Variants in DIP2B observed in about 807,000 individuals in gnomAD.
DIP2B encodes disco-interacting protein 2 homolog B.
Under a neutral mutation model 198.0 loss-of-function variants are expected in DIP2B, and 76 were observed. The observed-to-expected ratio is 0.38, with a 90% CI of 0.32 to 0.46. The LOEUF is 0.46. DIP2B is among the 20% of genes least tolerant of loss of function. The probability of loss-of-function intolerance (pLI) is 0.99; values close to 1 mark genes in which losing one functional copy is unlikely to be tolerated. For synonymous variants in DIP2B, 701 were observed against 739.1 expected (o/e 0.95, Z 0.84); for missense variants, 1,559 against 1,978.4 (o/e 0.79, Z 4.02).
rs1565865730 is a variant in DIP2B at position 50,671,308 on chromosome 12, ACTT to A, written c.555_557del (p.Ser187del). 2 of 1,614,190 alleles carry A rather than the reference ACTT, an allele frequency of 1.2e-6. No individual in the cohort carries two copies. Among genetic ancestry groups the A allele is most frequent in the South Asian group, 1.1e-5 (1 of 91,084 alleles). ...CAACCGTTCAATTCAGGGATCGTCCACTTCTTCATCCGCATCTTCTACGCTGTC... is the reference window on the plus strand; with the variant it reads ...CAACCGTTCAATTCAGGGATCGTCCACTTCATCCGCATCTTCTACGCTGTC... On this transcript the variant is annotated inframe_deletion, in exon 5 of 38. Coordinates refer to ENST00000301180, the MANE Select transcript of DIP2B (RefSeq NM_173602.3).
At chr12:50,517,828 C>G (rs901898138) in intron 1 of DIP2B, among the ~76,000 whole-genome samples, 3 of 152,176 alleles carry the variant, frequency 2.0e-5, no homozygotes, top group African/African-American at 7.2e-5. Context: ...ATGTTCTTCC[C>G]CTTTTTTTGC....
intron 22 of DIP2B, among the ~76,000 whole-genome samples, chr12:50,711,249 C>A (rs1939609021): frequency 6.6e-6 from 1 of 152,176 alleles, no homozygotes. Context: ...TAAATGACGC[C>A]ATGTATTCTA....
At chr12:50,505,723 A>G (rs541493158) in intron 1 of DIP2B, among the ~76,000 whole-genome samples, 5 of 152,162 alleles carry the variant, frequency 3.3e-5, no homozygotes, top group African/African-American at 9.6e-5. Flanking sequence ...CTTTCCTTTA[A>G]CAATGCGCGA....
chr12:50,581,585 C>A lies in DIP2B; in HGVS notation c.101-44391C>A, dbSNP rs1175297265. Among the ~76,000 whole-genome samples, 5 of 149,166 alleles carry A rather than the reference C, an allele frequency of 3.4e-5. 1 individual carries two copies. The highest frequency in any genetic ancestry group is 6.9e-5 in the Admixed American group (1 of 14,552). ...ATTTACCATATACCCTAGGAGGGGC[C>A]TTACTCAGTGCTGATTTCTCCTCCA... On this transcript the variant is annotated intron_variant, in intron 1 of 37. Transcript: ENST00000301180.
At chr12:50,538,946 T>C (rs757199292) in intron 1 of DIP2B, among the ~76,000 whole-genome samples, 8 of 152,140 alleles carry the variant, frequency 5.3e-5, no homozygotes, top group Non-Finnish European at 7.4e-5. Context: ...ACTCAACTGC[T>C]GTTGTTTCTT....
chr12:50,604,941 G>A (rs1178551760), intron 1 of DIP2B, among the ~76,000 whole-genome samples: 2 of 152,126 alleles, frequency 1.3e-5, no homozygotes, highest in Non-Finnish European at 2.9e-5. Context: ...ATAGTACGTA[G>A]CCGGTATCAC....
intron 7 of DIP2B, among the ~76,000 whole-genome samples, chr12:50,677,507 C>T (rs1326278978): frequency 2.6e-5 from 4 of 151,966 alleles, no homozygotes; most frequent in Non-Finnish European, 4.4e-5. Context: ...CCCAGCTACT[C>T]AGGAGGCTGA....
intron 4 of DIP2B, among the ~76,000 whole-genome samples, chr12:50,665,063 C>G (rs1327850907): frequency 6.6e-6 from 1 of 151,814 alleles, no homozygotes; most frequent in Non-Finnish European, 1.5e-5. Flanking sequence ...CTGTGTTGCT[C>G]AAGCTGGCCT....
At chr12:50,507,354 G>T (rs1957976846) in intron 1 of DIP2B, among the ~76,000 whole-genome samples, 1 of 152,168 alleles carries the variant, frequency 6.6e-6, no homozygotes, top group Non-Finnish European at 1.5e-5. Flanking sequence ...TACAGGGGAT[G>T]GTTGGCTGGA....
Position 50,745,063 on chromosome 12 carries a change from C to T in DIP2B, c.*224C>T, listed in dbSNP as rs1048655047. 1.0e-5 allele frequency: 6 copies of T among 577,466 alleles called. No individual in the cohort carries two copies. The highest frequency in any genetic ancestry group is 6.1e-5 in the East Asian group (2 of 32,850). The allele number at this position is 577,466 out of a possible 1,614,324, so 35.8% of individuals were successfully genotyped here. A position where few individuals can be genotyped will look rare whatever the true frequency, so the allele number is the denominator to read the frequency against. On this transcript the variant is annotated 3_prime_UTR_variant, in exon 38 of 38. Coordinates refer to ENST00000301180, the MANE Select transcript of DIP2B (RefSeq NM_173602.3). The stretch of plus-strand genomic sequence containing the variant: ...TTGGTAGACATGTGCTTTGACATAG[C>T]GTGAGCAGCACATTACTAAAGCAAT...
intron 20 of DIP2B, among the ~76,000 whole-genome samples, chr12:50,705,413 G>A (rs910421230): frequency 6.6e-6 from 1 of 152,158 alleles, no homozygotes. Flanking sequence ...TTCCATGATT[G>A]ATGTCCAAAA....
At chr12:50,600,934 C>CACCACT (rs1165470185) in intron 1 of DIP2B, among the ~76,000 whole-genome samples, 1 of 144,430 alleles carries the variant, frequency 6.9e-6, no homozygotes, top group African/African-American at 2.8e-5. Context: ...CCACCACCAC[C>CACCACT]ACCACTACCA....
At chr12:50,681,443 CAAAAA>C (rs568239172) in intron 9 of DIP2B, among the ~76,000 whole-genome samples, 2 of 149,586 alleles carry the variant, frequency 1.3e-5, no homozygotes, top group African/African-American at 4.9e-5. Context: ...ACAACAACAA[CAAAAA>C]AAAAGCCTCA....
chr12:50,708,925 G>A (rs947734972), intron 22 of DIP2B, among the ~76,000 whole-genome samples: 4 of 152,232 alleles, frequency 2.6e-5, no homozygotes, highest in Non-Finnish European at 4.4e-5. Flanking sequence ...TGGTGCCGAT[G>A]GTGTGAGGGA....
chr12:50,746,440 AG>A lies in DIP2B; in HGVS notation c.*1603del, dbSNP rs1940341746. 6.6e-6 allele frequency: 1 copy of A among 152,180 alleles called. No homozygotes were observed. The highest frequency in any genetic ancestry group is 1.5e-5 in the Non-Finnish European group (1 of 68,034). 9.4% of individuals were successfully genotyped at this position (152,180 alleles called of 1,614,324 possible). A position where few individuals can be genotyped will look rare whatever the true frequency, so the allele number is the denominator to read the frequency against. ...AAGACTTGTAATTACCCTGAAAATA[AG>A]GTTTATAATGCAAAGACCAGCTCCT... is the stretch of plus-strand genomic sequence containing the variant. On this transcript the variant is annotated 3_prime_UTR_variant, in exon 38 of 38. Transcript: ENST00000301180.
Position 50,706,520 on chromosome 12 carries a change from A to C in DIP2B, c.2407-18A>C. On this transcript the variant is annotated intron_variant, in intron 20 of 37. Coordinates refer to ENST00000301180, the MANE Select transcript of DIP2B (RefSeq NM_173602.3). ...ATTTAAATCATGGAAATCAAGGTAA[A>C]TCATCATTACCTTTCAGGGTAGTTT... is the stretch of plus-strand genomic sequence containing the variant. 6.2e-7 allele frequency: 1 copy of C among 1,612,212 alleles called. No individual in the cohort carries two copies. The highest frequency in any genetic ancestry group is 8.5e-7 in the Non-Finnish European group (1 of 1,178,640).
chr12:50,541,429 A>G (rs1958324914), intron 1 of DIP2B, among the ~76,000 whole-genome samples: 1 of 146,514 alleles, frequency 6.8e-6, no homozygotes, highest in South Asian at 2.1e-4. Context: ...TTTTAAATCC[A>G]TAGTCACCAT....
intron 2 of DIP2B, among the ~76,000 whole-genome samples, chr12:50,627,332 T>C (rs945876356): frequency 5.9e-5 from 9 of 152,192 alleles, no homozygotes; most frequent in Non-Finnish European, 1.3e-4. Flanking sequence ...ATTAATTTAC[T>C]ATGAGAAATT....
intron 1 of DIP2B, among the ~76,000 whole-genome samples, chr12:50,549,051 A>C (rs775527373): frequency 1.7e-4 from 26 of 152,180 alleles, no homozygotes; most frequent in Non-Finnish European, 3.8e-4. Context: ...TGACCTTTGA[A>C]ACTAAGTGAG....
Sources: allele counts gnomAD v4.1 joint callset (sites outside exome capture counted in the v4.1 genomes callset), GRCh38; gene constraint gnomAD v4.1.1; transcripts MANE v1.5; gene names NCBI Gene and HGNC (gene_info 2026-07-23, HGNC 2026-07-21).